CORO1C: variants seen among roughly 807,000 people sequenced by gnomAD.
CORO1C encodes coronin 1C.
Under a neutral mutation model 51.2 loss-of-function variants are expected in CORO1C, and 14 were observed. The ratio of observed to expected loss-of-function variants is 0.27; its 90% CI spans 0.18 to 0.43. The LOEUF is 0.43. Ranked by LOEUF, CORO1C falls within the 20% of genes least tolerant of loss-of-function variation. The pLI, the probability that CORO1C is intolerant of heterozygous loss-of-function variation, is 1.00. For missense variants in CORO1C, 417 were observed against 607.8 expected (o/e 0.69, Z 3.30); for synonymous variants, 181 against 210.5 (o/e 0.86, Z 1.21).
chr12:108,652,057 T>C, intron 8 of CORO1C: 2 of 249,870 alleles, frequency 8.0e-6, no homozygotes, highest in Non-Finnish European at 1.5e-5. Flanking sequence ...TTTCTTTTCT[T>C]TTTTTTTTTT....
chr12:108,649,097 T>C, intron 8 of CORO1C, 77 bp from the exon 9 acceptor site: 1 of 1,520,408 alleles, frequency 6.6e-7, no homozygotes. Context: ...ATTAGTTTTC[T>C]ACAATGCTGT....
intron 1 of CORO1C, among the ~76,000 whole-genome samples, chr12:108,720,013 C>T (rs868194566): frequency 6.6e-6 from 1 of 152,024 alleles, no homozygotes; most frequent in African/African-American, 2.4e-5. Context: ...AGTGAGACCC[C>T]GTCTCTACAA....
intron 1 of CORO1C, among the ~76,000 whole-genome samples, chr12:108,721,205 A>G (rs1261304612): frequency 6.6e-6 from 1 of 152,262 alleles, no homozygotes; most frequent in African/African-American, 2.4e-5. Context: ...CTCCATAACC[A>G]AACTATATTT....
At chr12:108,673,372 C>T (rs1436810259) in intron 3 of CORO1C, among the ~76,000 whole-genome samples, 1 of 152,124 alleles carries the variant, frequency 6.6e-6, no homozygotes, top group East Asian at 1.9e-4. Flanking sequence ...GAAGAAGCTG[C>T]AGAAGAAAAG....
chr12:108,666,292 C>T (rs940754293), intron 3 of CORO1C, among the ~76,000 whole-genome samples: 2 of 152,174 alleles, frequency 1.3e-5, no homozygotes, highest in African/African-American at 4.8e-5. Flanking sequence ...AAAGCTAATA[C>T]TATAAGCACA....
At position 108,678,423 on chromosome 12, in the gene CORO1C, T is replaced by G. The variant is rs1424647172; in HGVS notation, c.196-29A>C. On this transcript the variant is annotated intron_variant, in intron 2 of 10. Transcript: ENST00000261401. ...AAAGAAGAGAGAAACAAACCTATTA[T>G]GTAATATCAACACCACAGACGTTAT... 3.3e-6 allele frequency: 5 copies of G among 1,538,052 alleles called. No homozygotes were observed. In the Admixed American group the frequency reaches 7.8e-5, roughly 24 times the overall value.
Position 108,662,072 on chromosome 12 carries a change from G to T in CORO1C, c.405C>A (p.Ile135=), listed in dbSNP as rs372909353. 1.2e-6 allele frequency: 2 copies of T among 1,614,150 alleles called. No individual in the cohort carries two copies. Among genetic ancestry groups the T allele is most frequent in the East Asian group, 4.5e-5 (2 of 44,882 alleles). ...TGCGGGCCGTTGGATGCCAAGCCAC[G>T]ATGCCGACTCTCTTTGAGTGGCCTT... is the stretch of plus-strand genomic sequence containing the variant. ...ILEGHSKRVG[I]VAWHPTARNV... is the part of the protein sequence containing the mutation. Residue 135 remains isoleucine, a synonymous_variant, in exon 4 of 11, where the codon ATC becomes ATA. Transcript: ENST00000261401.
chr12:108,721,907 C>T (rs1487983295), intron 1 of CORO1C, among the ~76,000 whole-genome samples: 1 of 151,950 alleles, frequency 6.6e-6, no homozygotes, highest in African/African-American at 2.4e-5. Flanking sequence ...TGTGAAGTTC[C>T]CAAATGGAAA....
chr12:108,684,895 A>G (rs1592900468), intron 2 of CORO1C, among the ~76,000 whole-genome samples: 1 of 152,288 alleles, frequency 6.6e-6, no homozygotes, highest in South Asian at 2.1e-4. Flanking sequence ...CTCCCAAGGA[A>G]AAAAGCTTTT....
chr12:108,670,210 G>A (rs1433146631), intron 3 of CORO1C, among the ~76,000 whole-genome samples: 3 of 152,142 alleles, frequency 2.0e-5, no homozygotes, highest in Non-Finnish European at 4.4e-5. Flanking sequence ...ACAGCCACAC[G>A]ACCTGCATGT....
In CORO1C at chr12:108,657,296, G is replaced by T; in HGVS notation, c.750+8C>A. ...TGAAAGCAAGTGGAAAGCCTGGGGAGGGCGTACCGGATTCCAGAGAGCCAG... is the reference window on the plus strand; with the variant it reads ...TGAAAGCAAGTGGAAAGCCTGGGGATGGCGTACCGGATTCCAGAGAGCCAG... On this transcript the variant is annotated splice_region_variant and intron_variant, in intron 6 of 10. Coordinates refer to ENST00000261401, the MANE Select transcript of CORO1C (RefSeq NM_014325.4). 1.2e-6 allele frequency: 2 copies of T among 1,613,072 alleles called. No homozygotes were observed. Among genetic ancestry groups the T allele is most frequent in the South Asian group, 1.1e-5 (1 of 90,968 alleles).
At chr12:108,675,714 T>C (rs1053279359) in intron 3 of CORO1C, among the ~76,000 whole-genome samples, 25 of 152,192 alleles carry the variant, frequency 1.6e-4, no homozygotes, top group Non-Finnish European at 3.1e-4. Flanking sequence ...GTCACCATAT[T>C]GCAACCCCTA....
At chr12:108,672,248 T>G (rs1478841215) in intron 3 of CORO1C, among the ~76,000 whole-genome samples, 1 of 152,224 alleles carries the variant, frequency 6.6e-6, no homozygotes, top group African/African-American at 2.4e-5. Flanking sequence ...AGTACTTCAA[T>G]GTAGTTACTC....
At chr12:108,667,578 T>C (rs894656037) in intron 3 of CORO1C, among the ~76,000 whole-genome samples, 4 of 152,242 alleles carry the variant, frequency 2.6e-5, no homozygotes, top group African/African-American at 7.2e-5. Flanking sequence ...ATGTTTTGTT[T>C]TGAAAGGACA....
At chr12:108,698,650 G>T (rs1240507631) in intron 2 of CORO1C, among the ~76,000 whole-genome samples, 1 of 152,100 alleles carries the variant, frequency 6.6e-6, no homozygotes, top group African/African-American at 2.4e-5. Flanking sequence ...CAGGTGATCC[G>T]CCCGCCTCAG....
intron 1 of CORO1C, among the ~76,000 whole-genome samples, chr12:108,728,888 T>G (rs754080195): frequency 2.0e-5 from 3 of 152,184 alleles, no homozygotes; most frequent in African/African-American, 7.2e-5. Flanking sequence ...AGAGAAGTCA[T>G]AAATGGAAAA....
chr12:108,693,556 A>C (rs1349549432), intron 2 of CORO1C, among the ~76,000 whole-genome samples: 1 of 152,264 alleles, frequency 6.6e-6, no homozygotes, highest in African/African-American at 2.4e-5. Context: ...AGTGAAAGAA[A>C]GGGTCAAGAA....
chr12:108,689,314 A>G (rs1335202300), intron 2 of CORO1C, among the ~76,000 whole-genome samples: 1 of 152,250 alleles, frequency 6.6e-6, no homozygotes, highest in East Asian at 1.9e-4. Flanking sequence ...ACTCTTTCTC[A>G]TAACTAATGT....
intron 3 of CORO1C, among the ~76,000 whole-genome samples, chr12:108,670,033 T>C (rs2033652691): frequency 6.6e-6 from 1 of 152,228 alleles, no homozygotes; most frequent in African/African-American, 2.4e-5. Flanking sequence ...TTGAGGATTC[T>C]GGGAAGATGA....
Sources: gnomAD v4.1 joint callset for allele counts (sites outside exome capture counted in the v4.1 genomes callset) on GRCh38, gnomAD v4.1.1 for gene constraint, MANE v1.5 for transcripts, NCBI Gene and HGNC (gene_info 2026-07-23, HGNC 2026-07-21) for gene names.